FUT9: variants seen among roughly 807,000 people sequenced by gnomAD.
FUT9 encodes fucosyltransferase 9, also known as 4-galactosyl-N-acetylglucosaminide 3-alpha-L-fucosyltransferase 9.
FUT9 carries 15 observed loss-of-function variants against 29.7 expected under a neutral mutation model. The ratio of observed to expected loss-of-function variants is 0.51; its 90% CI spans 0.34 to 0.78. FUT9 has a LOEUF of 0.78. FUT9 is among the 30% of genes least tolerant of loss of function. The pLI, the probability that FUT9 is intolerant of heterozygous loss-of-function variation, is 0.01. For missense variants in FUT9, 319 were observed against 425.4 expected, an observed-to-expected ratio of 0.75 and a Z score of 2.20; for synonymous variants, 169 against 153.7, an observed-to-expected ratio of 1.10 and a Z score of -0.74.
chr6:96,162,724 C>T (rs531753205), intron 2 of FUT9, among the ~76,000 whole-genome samples: 3 of 152,112 alleles, frequency 2.0e-5, no homozygotes, highest in Non-Finnish European at 4.4e-5. Context: ...GTTTTGTCTC[C>T]ACTGTTGTTT....
intron 1 of FUT9, among the ~76,000 whole-genome samples, chr6:96,059,552 T>C (rs1030667861): frequency 1.3e-5 from 2 of 152,186 alleles, no homozygotes; most frequent in African/African-American, 4.8e-5. Flanking sequence ...TTTGACAGAA[T>C]CCTGGATCAG....
intron 1 of FUT9, among the ~76,000 whole-genome samples, chr6:96,030,706 T>TG (rs763857413): frequency 2.0e-5 from 3 of 151,486 alleles, no homozygotes; most frequent in Non-Finnish European, 4.4e-5. Flanking sequence ...TACCCATACT[T>TG]GCCAAAAACT....
At chr6:96,110,949 G>A (rs1771795059) in intron 1 of FUT9, among the ~76,000 whole-genome samples, 5 of 151,894 alleles carry the variant, frequency 3.3e-5, no homozygotes, top group African/African-American at 7.3e-5. Flanking sequence ...AGGCATGAGC[G>A]ACTGTGCTTG....
intron 1 of FUT9, among the ~76,000 whole-genome samples, chr6:96,104,932 G>C (rs72929970): frequency 6.6e-6 from 1 of 152,128 alleles, no homozygotes; most frequent in African/African-American, 2.4e-5. Context: ...TACATTCTAA[G>C]TGTTTATTAG....
intron 1 of FUT9, among the ~76,000 whole-genome samples, chr6:96,106,248 T>TTCCTTCCTTC (rs1562126417): frequency 5.9e-5 from 9 of 151,692 alleles, no homozygotes; most frequent in South Asian, 2.1e-4. Flanking sequence ...CCTTCCTTCA[T>TTCCTTCCTTC]CTTCTTAATG....
At chr6:96,134,177 A>G (rs935645742) in intron 2 of FUT9, among the ~76,000 whole-genome samples, 1 of 151,864 alleles carries the variant, frequency 6.6e-6, no homozygotes, top group Non-Finnish European at 1.5e-5. Context: ...AAATTTAGGT[A>G]ATAGCCAAAG....
At chr6:96,161,952 T>G (rs894778936) in intron 2 of FUT9, among the ~76,000 whole-genome samples, 1 of 152,244 alleles carries the variant, frequency 6.6e-6, no homozygotes, top group African/African-American at 2.4e-5. Flanking sequence ...GATTCTTTCT[T>G]TATCTGTGTC....
At chr6:96,071,608 C>T (rs1028634770) in intron 1 of FUT9, among the ~76,000 whole-genome samples, 1 of 152,016 alleles carries the variant, frequency 6.6e-6, no homozygotes, top group Non-Finnish European at 1.5e-5. Context: ...GAGCAATGGG[C>T]TGCAAATCTG....
chr6:96,063,515 T>C (rs905003836), intron 1 of FUT9, among the ~76,000 whole-genome samples: 2 of 152,104 alleles, frequency 1.3e-5, no homozygotes, highest in Non-Finnish European at 2.9e-5. Context: ...TTCAGGGGCA[T>C]TCGGGGGCAT....
chr6:96,088,751 C>A (rs1240194642), intron 1 of FUT9, among the ~76,000 whole-genome samples: 1 of 137,538 alleles, frequency 7.3e-6, no homozygotes, highest in South Asian at 2.5e-4. Context: ...TGTCCCAGAC[C>A]TTTTGCTACC....
chr6:96,027,185 A>AT (rs1185223025), intron 1 of FUT9, among the ~76,000 whole-genome samples: 1 of 151,652 alleles, frequency 6.6e-6, no homozygotes, highest in Non-Finnish European at 1.5e-5. Context: ...AAACTTTAAG[A>AT]TTTTATATCG....
intron 1 of FUT9, among the ~76,000 whole-genome samples, chr6:96,030,304 T>G (rs1261647353): frequency 2.6e-5 from 4 of 151,538 alleles, no homozygotes; most frequent in African/African-American, 9.7e-5. Flanking sequence ...GCAAAATATT[T>G]GAACAGACAT....
chr6:96,106,230 C>CCTTCCTTA (rs1159116199), intron 1 of FUT9, among the ~76,000 whole-genome samples: 1 of 151,706 alleles, frequency 6.6e-6, no homozygotes, highest in East Asian at 1.9e-4. Flanking sequence ...TTCCTTCCTT[C>CCTTCCTTA]CTTCCTTCCT....
chr6:96,092,666 G>T (rs1241777790), intron 1 of FUT9, among the ~76,000 whole-genome samples: 1 of 152,054 alleles, frequency 6.6e-6, no homozygotes, highest in Non-Finnish European at 1.5e-5. Context: ...GAGTATTTTA[G>T]CTCTATTCTT....
intron 1 of FUT9, among the ~76,000 whole-genome samples, chr6:96,036,292 T>C (rs1770364265): frequency 6.6e-6 from 1 of 151,288 alleles, no homozygotes. Flanking sequence ...TTTTGTAAGG[T>C]TCTAAGCAGA....
At chr6:96,047,709 G>T (rs764931870) in intron 1 of FUT9, among the ~76,000 whole-genome samples, 2 of 152,016 alleles carry the variant, frequency 1.3e-5, no homozygotes, top group Middle Eastern at 3.2e-3. Flanking sequence ...CAAGGGTTAC[G>T]ATAGAAAAAC....
intron 1 of FUT9, among the ~76,000 whole-genome samples, chr6:96,056,620 T>C (rs1042694992): frequency 6.6e-6 from 1 of 152,112 alleles, no homozygotes; most frequent in Non-Finnish European, 1.5e-5. Flanking sequence ...TGTGGTGGCA[T>C]GTGCCTGTAG....
chr6:96,159,070 C>G (rs12203352), intron 2 of FUT9, among the ~76,000 whole-genome samples: 24,124 of 152,062 alleles, frequency 0.16, 2,124 homozygotes, highest in African/African-American at 0.19. Flanking sequence ...AATAATGCTT[C>G]TTCTATTAGT....
intron 1 of FUT9, among the ~76,000 whole-genome samples, chr6:96,060,902 C>A (rs1435077884): frequency 6.6e-6 from 1 of 152,086 alleles, no homozygotes; most frequent in Non-Finnish European, 1.5e-5. Flanking sequence ...GGATGGAATT[C>A]AATTAATAAA....
Sources: allele counts gnomAD v4.1 joint callset (sites outside exome capture counted in the v4.1 genomes callset), GRCh38; gene constraint gnomAD v4.1.1; transcripts MANE v1.5; gene names NCBI Gene and HGNC (gene_info 2026-07-23, HGNC 2026-07-21).